The following MAST4 variants were observed in gnomAD, a reference collection of about 807,000 sequenced individuals.
MAST4 encodes microtubule-associated serine/threonine-protein kinase 4.
A neutral mutation model predicts 162.7 loss-of-function variants in MAST4; 89 were observed. That is an observed-to-expected ratio of 0.55 (90% CI 0.46 to 0.65). The LOEUF (loss-of-function observed/expected upper bound fraction) is 0.65, where lower values mean the gene tolerates loss of function less well. Ranked by LOEUF, MAST4 falls within the 30% of genes least tolerant of loss-of-function variation. The pLI, the probability that MAST4 is intolerant of heterozygous loss-of-function variation, is 0.00. For synonymous variants in MAST4, 1,479 were observed against 1,361.1 expected (o/e 1.09, Z -1.91); for missense variants, 3,153 against 3,374.0 (o/e 0.93, Z 1.62).
At chr5:66,617,029 G>A (rs1353008882) in intron 1 of MAST4, among the ~76,000 whole-genome samples, 2 of 152,282 alleles carry the variant, frequency 1.3e-5, no homozygotes, top group African/African-American at 4.8e-5. Context: ...TTCATATCTG[G>A]ACTGAAAGGA....
chr5:66,784,441 A>G (rs1192548262), intron 2 of MAST4, among the ~76,000 whole-genome samples: 1 of 152,186 alleles, frequency 6.6e-6, no homozygotes, highest in Non-Finnish European at 1.5e-5. Flanking sequence ...GCCACAAGTC[A>G]AAAACTTAAT....
At chr5:66,693,666 T>A (rs78093971) in intron 1 of MAST4, among the ~76,000 whole-genome samples, 1 of 47,650 alleles carries the variant, frequency 2.1e-5, no homozygotes, top group African/African-American at 1.3e-4. Context: ...GATTATTAAA[T>A]AGTGCTAGAT....
At chr5:67,140,254 C>T (rs957178018) in intron 19 of MAST4, among the ~76,000 whole-genome samples, 4 of 152,224 alleles carry the variant, frequency 2.6e-5, no homozygotes, top group Admixed American at 2.0e-4. Context: ...ACACCCGCAC[C>T]GTGCTGACGA....
chr5:67,024,385 GATAT>G (rs1754376047), intron 4 of MAST4, among the ~76,000 whole-genome samples: 1 of 144,560 alleles, frequency 6.9e-6, no homozygotes, highest in African/African-American at 2.8e-5. Flanking sequence ...GTACACACAC[GATAT>G]ATATCTATAT....
intron 4 of MAST4, among the ~76,000 whole-genome samples, chr5:66,942,145 A>T (rs1256268976): frequency 2.6e-5 from 4 of 152,130 alleles, no homozygotes; most frequent in Non-Finnish European, 4.4e-5. Context: ...GTGCTGATAG[A>T]TTTGCTCTAT....
chr5:67,169,079 T>G lies in MAST4; in HGVS notation c.*2028T>G, dbSNP rs1774346967. On this transcript the variant is annotated 3_prime_UTR_variant, in exon 29 of 29. Transcript: ENST00000403625. ...CAACGTTTATAATACATATCTGTGT[T>G]TGGCAGTTGTCATAACCCAATCCTA... 1 of 152,198 alleles carries G rather than the reference T, an allele frequency of 6.6e-6. No individual in the cohort carries two copies. The highest frequency in any genetic ancestry group is 1.5e-5 in the Non-Finnish European group (1 of 68,030). The allele number at this position is 152,198 out of a possible 1,614,324, so 9.4% of individuals were successfully genotyped here.
intron 1 of MAST4, among the ~76,000 whole-genome samples, chr5:66,627,422 A>G (rs1369599229): frequency 1.3e-5 from 2 of 152,228 alleles, no homozygotes; most frequent in African/African-American, 4.8e-5. Flanking sequence ...TGGAAGGAGC[A>G]TAAAATGGTG....
intron 4 of MAST4, among the ~76,000 whole-genome samples, chr5:67,049,497 G>A (rs747523146): frequency 2.0e-5 from 3 of 152,082 alleles, no homozygotes; most frequent in Non-Finnish European, 4.4e-5. Context: ...ATATTCAAAT[G>A]TTCATCTTCT....
chr5:66,986,500 T>C, intron 4 of MAST4: 1 of 1,563,180 alleles, frequency 6.4e-7, no homozygotes, highest in Admixed American at 1.9e-5. Flanking sequence ...GCCACCACAT[T>C]AAATAAAACA....
intron 4 of MAST4, among the ~76,000 whole-genome samples, chr5:66,931,967 G>A (rs890372453): frequency 5.9e-5 from 9 of 152,106 alleles, no homozygotes; most frequent in Admixed American, 5.9e-4. Flanking sequence ...TTTTTCAGGG[G>A]TGAGGAGGAA....
At chr5:66,614,294 A>G (rs1743497458) in intron 1 of MAST4, among the ~76,000 whole-genome samples, 2 of 152,174 alleles carry the variant, frequency 1.3e-5, no homozygotes. Flanking sequence ...AGTTATTTTT[A>G]TTATAACCAC....
chr5:67,033,091 A>G (rs1057110443), intron 4 of MAST4, among the ~76,000 whole-genome samples: 5 of 151,964 alleles, frequency 3.3e-5, no homozygotes, highest in Admixed American at 6.6e-5. Flanking sequence ...AGAAACTAGT[A>G]TTTGATGAGG....
intron 3 of MAST4, among the ~76,000 whole-genome samples, chr5:66,795,509 G>T (rs78846590): frequency 0.048 from 7,363 of 152,248 alleles, 266 homozygotes; most frequent in South Asian, 0.13. Flanking sequence ...TATACTTTTA[G>T]ATTGGTAAAG....
chr5:66,675,305 G>T (rs563110117), intron 1 of MAST4, among the ~76,000 whole-genome samples: 21 of 152,270 alleles, frequency 1.4e-4, no homozygotes, highest in Non-Finnish European at 2.8e-4. Context: ...CATAGGAAGG[G>T]TGTTCAGAAA....
At chr5:66,764,885 C>G (rs1183599254) in intron 2 of MAST4, among the ~76,000 whole-genome samples, 1 of 152,090 alleles carries the variant, frequency 6.6e-6, no homozygotes, top group Non-Finnish European at 1.5e-5. Flanking sequence ...CGGTGATGTC[C>G]TAGGTCTTCA....
Position 67,133,643 on chromosome 5 carries a change from A to G in MAST4, c.2223A>G (p.Lys741=), listed in dbSNP as rs1769262719. ...AGGATGCTAGAGAGTTCCTGGATAAACAGGTAAGCTTGGGTGCCATTTAGT... is the reference window on the plus strand; with the variant it reads ...AGGATGCTAGAGAGTTCCTGGATAAGCAGGTAAGCTTGGGTGCCATTTAGT... ...IEKDAREFLD[K]QVCGTPEYIA... The change falls in exon 17 of 29, where the codon AAA becomes AAG. Residue 741 remains lysine, a synonymous_variant. Coordinates refer to ENST00000403625, the MANE Select transcript of MAST4 (RefSeq NM_001164664.2). 6.8e-6 allele frequency: 11 copies of G among 1,612,794 alleles called. No individual in the cohort carries two copies. The highest frequency in any genetic ancestry group is 1.6e-4 in the Middle Eastern group (1 of 6,072).
At chr5:66,823,939 A>G (rs747251053) in intron 3 of MAST4, among the ~76,000 whole-genome samples, 4 of 152,214 alleles carry the variant, frequency 2.6e-5, no homozygotes, top group Non-Finnish European at 4.4e-5. Context: ...TAATGGATGT[A>G]TGTATTTTCA....
intron 3 of MAST4, among the ~76,000 whole-genome samples, chr5:66,809,884 C>G (rs1427743035): frequency 6.6e-6 from 1 of 152,172 alleles, no homozygotes; most frequent in African/African-American, 2.4e-5. Flanking sequence ...TACAGGCACG[C>G]ACCACCACAC....
chr5:66,913,015 T>C (rs951794962), intron 4 of MAST4, among the ~76,000 whole-genome samples: 3 of 152,194 alleles, frequency 2.0e-5, no homozygotes, highest in African/African-American at 7.2e-5. Flanking sequence ...CTGCTTCTTT[T>C]CATGGATTCC....
Sources: gnomAD v4.1 joint callset for allele counts (sites outside exome capture counted in the v4.1 genomes callset) on GRCh38, gnomAD v4.1.1 for gene constraint, MANE v1.5 for transcripts, NCBI Gene and HGNC (gene_info 2026-07-23, HGNC 2026-07-21) for gene names.